Variants in FGF12 observed in about 807,000 individuals in gnomAD.
The protein encoded by FGF12 is fibroblast growth factor 12.
Under a neutral mutation model 23.6 loss-of-function variants are expected in FGF12, and 14 were observed. The observed-to-expected ratio is 0.59, with a 90% confidence interval of 0.39 to 0.93. FGF12 has a LOEUF of 0.93. Ranked by LOEUF, FGF12 falls within the 40% of genes least tolerant of loss-of-function variation. The pLI is 0.00. For synonymous variants in FGF12, 62 were observed against 77.3 expected (o/e 0.80, Z 1.04); for missense variants, 175 against 217.8 (o/e 0.80, Z 1.24).
chr3:192,222,998 G>A (rs960426077), intron 4 of FGF12, among the ~76,000 whole-genome samples: 2 of 152,098 alleles, frequency 1.3e-5, no homozygotes, highest in Non-Finnish European at 2.9e-5. Context: ...ATTCCGCACT[G>A]CACCTCTGCC....
intron 2 of FGF12, among the ~76,000 whole-genome samples, chr3:192,546,821 G>T (rs959345330): frequency 2.6e-5 from 4 of 152,204 alleles, no homozygotes; most frequent in African/African-American, 9.6e-5. Context: ...AGGCTGAGGT[G>T]GGCAGAGCCC....
chr3:192,534,364 C>T (rs896652251), intron 2 of FGF12, among the ~76,000 whole-genome samples: 1 of 151,996 alleles, frequency 6.6e-6, no homozygotes, highest in Admixed American at 6.6e-5. Context: ...ATTTCTATCA[C>T]TTCCAGAAAC....
intron 2 of FGF12, among the ~76,000 whole-genome samples, chr3:192,691,799 A>T (rs936098568): frequency 1.3e-5 from 2 of 151,964 alleles, no homozygotes; most frequent in Non-Finnish European, 2.9e-5. Flanking sequence ...CTAAGAATTT[A>T]AAAAAAGACA....
chr3:192,146,272 A>ATTTTTT (rs10676941), intron 5 of FGF12, among the ~76,000 whole-genome samples: 3 of 143,254 alleles, frequency 2.1e-5, no homozygotes, highest in African/African-American at 5.2e-5. Context: ...TAAAGTGTAT[A>ATTTTTT]TTTTTTTTTT....
At chr3:192,512,859 T>TATATATATAAAA (rs376386122) in intron 2 of FGF12, among the ~76,000 whole-genome samples, 2 of 57,434 alleles carry the variant, frequency 3.5e-5, no homozygotes, top group African/African-American at 6.5e-5. Flanking sequence ...TATATATATA[T>TATATATATAAAA]AACAGGCTAT....
intron 4 of FGF12, among the ~76,000 whole-genome samples, chr3:192,204,756 T>C (rs940679568): frequency 6.6e-6 from 1 of 151,992 alleles, no homozygotes; most frequent in Admixed American, 6.6e-5. Context: ...CGTGGTAGCA[T>C]GCACCTGTAG....
chr3:192,445,473 A>G (rs1164917989), intron 2 of FGF12, among the ~76,000 whole-genome samples: 2 of 152,334 alleles, frequency 1.3e-5, no homozygotes, highest in East Asian at 3.9e-4. Flanking sequence ...TTCCTAGAGC[A>G]TCTCATCTAG....
At chr3:192,349,027 A>T (rs192908010) in intron 3 of FGF12, among the ~76,000 whole-genome samples, 1 of 152,246 alleles carries the variant, frequency 6.6e-6, no homozygotes, top group Non-Finnish European at 1.5e-5. Flanking sequence ...CAAATCCTTC[A>T]TTCCAAATAT....
intron 2 of FGF12, among the ~76,000 whole-genome samples, chr3:192,557,040 T>C (rs1372752246): frequency 6.6e-6 from 1 of 151,850 alleles, no homozygotes; most frequent in Non-Finnish European, 1.5e-5. Context: ...CCAAAATGTA[T>C]GGGATGCATC....
At chr3:192,156,867 CT>C (rs767975966) in intron 5 of FGF12, among the ~76,000 whole-genome samples, 10 of 152,180 alleles carry the variant, frequency 6.6e-5, no homozygotes, top group African/African-American at 4.8e-5. Flanking sequence ...TCAAAGCACA[CT>C]CTTATTTCAC....
chr3:192,220,429 A>G (rs76374796), intron 4 of FGF12, among the ~76,000 whole-genome samples: 1 of 152,132 alleles, frequency 6.6e-6, no homozygotes, highest in Non-Finnish European at 1.5e-5. Context: ...TTCCACTTGG[A>G]TTGACCAAAC....
At chr3:192,673,422 A>T (rs1406964570) in intron 2 of FGF12, among the ~76,000 whole-genome samples, 1 of 151,224 alleles carries the variant, frequency 6.6e-6, no homozygotes, top group Non-Finnish European at 1.5e-5. Flanking sequence ...ACATGTGTAG[A>T]ACGTGCAGGT....
intron 5 of FGF12, among the ~76,000 whole-genome samples, chr3:192,166,840 T>C (rs1311145498): frequency 3.3e-5 from 5 of 152,120 alleles, no homozygotes; most frequent in Non-Finnish European, 7.4e-5. Flanking sequence ...GTTTTTTTTT[T>C]CATTTTTGGA....
chr3:192,142,112 C>A lies in FGF12; in HGVS notation c.*1897G>T, dbSNP rs1202946986. On this transcript the variant is annotated 3_prime_UTR_variant, in exon 6 of 6. Coordinates refer to ENST00000445105, the MANE Select transcript of FGF12 (RefSeq NM_004113.6). ...TTACTTTCCAAATATTTTGGTTAAA[C>A]AAATATCTCTTGCAAATGTATCTTC... is the stretch of plus-strand genomic sequence containing the variant. 6.6e-6 allele frequency: 1 copy of A among 152,424 alleles called. No individual in the cohort carries two copies. The highest frequency in any genetic ancestry group is 2.4e-5 in the African/African-American group (1 of 41,414). 9.4% of individuals were successfully genotyped at this position (152,424 alleles called of 1,614,324 possible).
chr3:192,552,535 C>CAA lies in FGF12; in HGVS notation c.13+174644_13+174645dup, dbSNP rs66530976. Among the ~76,000 whole-genome samples, 568 of 143,290 alleles carry CAA rather than the reference C, an allele frequency of 4.0e-3. 4 individuals are homozygous for CAA. The highest frequency in any genetic ancestry group is 0.024 in the Middle Eastern group (6 of 250). 94.0% of individuals were successfully genotyped at this position (143,290 alleles called of 152,430 possible). On this transcript the variant is annotated intron_variant, in intron 2 of 5. Coordinates refer to ENST00000445105, the MANE Select transcript of FGF12 (RefSeq NM_004113.6). ...GTAAAAAGAAAATCTTAAAATGTAT[C>CAA]AAAAAAAACCCTCATATGAAGGGAA...
intron 2 of FGF12, among the ~76,000 whole-genome samples, chr3:192,561,578 A>G (rs9873510): frequency 0.075 from 11,457 of 152,044 alleles, 513 homozygotes; most frequent in African/African-American, 0.13. Flanking sequence ...TAGCCAGGAT[A>G]GTCTCGATCT....
At position 192,477,952 on chromosome 3, in the gene FGF12, G is replaced by T. The variant is rs371095015; in HGVS notation, c.14-117414C>A. ...ACTTGTTTCAATTCTGGAGATAATT[G>T]CTTTCCCACATGGGCATCCATAGGT... On this transcript the variant is annotated intron_variant, in intron 2 of 5. Transcript: ENST00000445105. Among the ~76,000 whole-genome samples the T allele has an allele frequency of 8.5e-5, 13 of 152,248 alleles. No homozygotes were observed. In the East Asian group the frequency reaches 2.5e-3, roughly 29 times the overall value.
At chr3:192,686,930 G>A (rs945724040) in intron 2 of FGF12, among the ~76,000 whole-genome samples, 8 of 137,486 alleles carry the variant, frequency 5.8e-5, no homozygotes, top group Non-Finnish European at 1.2e-4. Context: ...CTGGGTTCAT[G>A]CCATTCTCCT....
chr3:192,550,433 G>A (rs1725605380), intron 2 of FGF12, among the ~76,000 whole-genome samples: 1 of 150,002 alleles, frequency 6.7e-6, no homozygotes, highest in Admixed American at 6.7e-5. Context: ...TATTGCATAT[G>A]TTACATTATA....
Sources: allele counts gnomAD v4.1 joint callset (sites outside exome capture counted in the v4.1 genomes callset), GRCh38; gene constraint gnomAD v4.1.1; transcripts MANE v1.5; gene names NCBI Gene and HGNC (gene_info 2026-07-23, HGNC 2026-07-21).